Variants in ZNF618 observed in about 807,000 individuals in gnomAD.
ZNF618 encodes zinc finger protein 618.
A neutral mutation model predicts 103.0 loss-of-function variants in ZNF618; 34 were observed. The observed-to-expected ratio is 0.33, with a 90% CI of 0.25 to 0.44. The LOEUF (loss-of-function observed/expected upper bound fraction) is 0.44, where lower values mean the gene tolerates loss of function less well. Among genes scored for constraint, ZNF618 ranks in the 20% least tolerant of loss-of-function variants. The pLI, the probability that ZNF618 is intolerant of heterozygous loss-of-function variation, is 1.00. For missense variants in ZNF618, 1,059 were observed against 1,295.4 expected (o/e 0.82, Z 2.80); for synonymous variants, 551 against 542.2 (o/e 1.02, Z -0.23).
intron 1 of ZNF618, among the ~76,000 whole-genome samples, chr9:113,910,487 G>A (rs563299898): frequency 1.7e-4 from 26 of 152,288 alleles, no homozygotes; most frequent in South Asian, 4.1e-4. Flanking sequence ...AATAACGAGC[G>A]TGTTCCTGCC....
chr9:114,048,772 G>A lies in ZNF618; in HGVS notation c.1470G>A (p.Lys490=), dbSNP rs781693312. The change falls in exon 15 of 15, where the codon AAG becomes AAA. Residue 490 remains lysine, a synonymous_variant. Coordinates refer to ENST00000374126, the MANE Select transcript of ZNF618 (RefSeq NM_001318042.2). ...GTGCACTGAGCGTGGTCAGCGGGAA[G>A]GAGTTCCTGAAGTTGGCCCAGACCT... The part of the protein sequence containing the change: ...DLGALSVVSG[K]EFLKLAQTLV... 4 of 1,613,930 alleles carry A rather than the reference G, an allele frequency of 2.5e-6. No individual in the cohort carries two copies. Among genetic ancestry groups the A allele is most frequent in the Non-Finnish European group, 3.4e-6 (4 of 1,179,906 alleles).
intron 1 of ZNF618, among the ~76,000 whole-genome samples, chr9:113,968,254 G>C (rs75630961): frequency 0.014 from 2,186 of 152,252 alleles, 56 homozygotes; most frequent in African/African-American, 0.05. Context: ...GGCTCTGCCA[G>C]GGTTGTTTCA....
At chr9:113,948,160 T>C (rs1311353111) in intron 1 of ZNF618, among the ~76,000 whole-genome samples, 1 of 152,186 alleles carries the variant, frequency 6.6e-6, no homozygotes, top group African/African-American at 2.4e-5. Flanking sequence ...ACCTCATAAA[T>C]GGAGCGGTGG....
chr9:114,000,979 A>G (rs1841140680), intron 4 of ZNF618, among the ~76,000 whole-genome samples: 1 of 152,076 alleles, frequency 6.6e-6, no homozygotes, highest in Non-Finnish European at 1.5e-5. Flanking sequence ...CTAAGCCTGG[A>G]GTGGGCCGGG....
chr9:113,973,980 C>G (rs1189857414), intron 2 of ZNF618, among the ~76,000 whole-genome samples: 2 of 152,176 alleles, frequency 1.3e-5, no homozygotes, highest in African/African-American at 4.8e-5. Flanking sequence ...AAATCTCATC[C>G]ATGCATTCCA....
intron 10 of ZNF618, 34 bp downstream of exon 10, chr9:114,016,818 G>T: frequency 1.3e-6 from 2 of 1,570,002 alleles, no homozygotes; most frequent in Non-Finnish European, 1.7e-6. Context: ...ATGGGGGTTG[G>T]GGGACCCGGG....
chr9:113,878,807 A>C (rs572097621), intron 1 of ZNF618, among the ~76,000 whole-genome samples: 1 of 152,314 alleles, frequency 6.6e-6, no homozygotes, highest in African/African-American at 2.4e-5. Context: ...GCCCCAGTCC[A>C]TAGATTCCCA....
chr9:114,044,826 A>G (rs1845517637), intron 13 of ZNF618, among the ~76,000 whole-genome samples: 1 of 151,336 alleles, frequency 6.6e-6, no homozygotes, highest in African/African-American at 2.4e-5. Flanking sequence ...TTGGTGGGGC[A>G]GTTTTTTGGC....
At chr9:114,024,726 GC>G (rs987844375) in intron 10 of ZNF618, among the ~76,000 whole-genome samples, 3 of 151,620 alleles carry the variant, frequency 2.0e-5, no homozygotes, top group Non-Finnish European at 2.9e-5. Flanking sequence ...TCACTACACA[GC>G]CCCCCCACCC....
chr9:114,026,077 G>A (rs958614234), intron 10 of ZNF618, among the ~76,000 whole-genome samples: 2 of 152,194 alleles, frequency 1.3e-5, no homozygotes, highest in South Asian at 2.1e-4. Flanking sequence ...CAAATAAATG[G>A]TCCCAGATGG....
intron 2 of ZNF618, among the ~76,000 whole-genome samples, chr9:113,979,232 T>G (rs1332939061): frequency 6.6e-6 from 1 of 152,130 alleles, no homozygotes; most frequent in South Asian, 2.1e-4. Flanking sequence ...GAATGAAGGC[T>G]CCTGAACTGT....
chr9:113,950,449 T>C (rs1374050807), intron 1 of ZNF618, among the ~76,000 whole-genome samples: 1 of 152,162 alleles, frequency 6.6e-6, no homozygotes, highest in Non-Finnish European at 1.5e-5. Flanking sequence ...TCATCGCCAG[T>C]AACCATGGGT....
intron 2 of ZNF618, among the ~76,000 whole-genome samples, chr9:113,980,995 T>C (rs1273628575): frequency 7.2e-5 from 11 of 152,160 alleles, no homozygotes. Context: ...TCACTTGCAC[T>C]CATATAGTCA....
intron 1 of ZNF618, among the ~76,000 whole-genome samples, chr9:113,929,970 T>TC (rs1252574318): frequency 4.6e-5 from 7 of 152,218 alleles, no homozygotes; most frequent in Non-Finnish European, 8.8e-5. Flanking sequence ...CTTGGCTTTT[T>TC]CCCCCATGAT....
intron 1 of ZNF618, among the ~76,000 whole-genome samples, chr9:113,946,127 G>C (rs796818495): frequency 1.3e-5 from 2 of 152,354 alleles, no homozygotes; most frequent in African/African-American, 4.8e-5. Context: ...GCCAAGAGCT[G>C]TTCAGAGCAG....
chr9:114,029,352 AT>A (rs1370570292), intron 11 of ZNF618, among the ~76,000 whole-genome samples: 1 of 152,146 alleles, frequency 6.6e-6, no homozygotes, highest in Non-Finnish European at 1.5e-5. Flanking sequence ...AAAACTTTTG[AT>A]TTCTACCTGA....
intron 1 of ZNF618, among the ~76,000 whole-genome samples, chr9:113,957,805 CTTT>C (rs34031250): frequency 7.6e-5 from 11 of 145,284 alleles, no homozygotes; most frequent in African/African-American, 7.6e-5. Flanking sequence ...CAAAAGTTTC[CTTT>C]TTTTTTTTTT....
intron 1 of ZNF618, among the ~76,000 whole-genome samples, chr9:113,922,215 G>T (rs1832713526): frequency 6.6e-6 from 1 of 152,184 alleles, no homozygotes; most frequent in East Asian, 1.9e-4. Flanking sequence ...GCAGATAAAA[G>T]GAAGAGAAGA....
intron 1 of ZNF618, among the ~76,000 whole-genome samples, chr9:113,947,191 T>C (rs1835117736): frequency 6.6e-6 from 1 of 152,154 alleles, no homozygotes; most frequent in South Asian, 2.1e-4. Flanking sequence ...GGCTCTTTAG[T>C]GAATCCTTTC....
Sources: allele counts gnomAD v4.1 joint callset (sites outside exome capture counted in the v4.1 genomes callset), GRCh38; gene constraint gnomAD v4.1.1; transcripts MANE v1.5; gene names NCBI Gene and HGNC (gene_info 2026-07-23, HGNC 2026-07-21).